The following BTN3A1 variants were observed in gnomAD, a reference collection of about 807,000 sequenced individuals.
The protein encoded by BTN3A1 is butyrophilin subfamily 3 member A1.
Under a neutral mutation model 43.0 loss-of-function variants are expected in BTN3A1, and 24 were observed. The ratio of observed to expected loss-of-function variants is 0.56; its 90% confidence interval spans 0.40 to 0.78. BTN3A1 has a LOEUF of 0.78. BTN3A1 is among the 30% of genes least tolerant of loss of function. BTN3A1 has a pLI of 0.00. For synonymous variants in BTN3A1, 181 were observed against 234.7 expected, an observed-to-expected ratio of 0.77 and a Z score of 2.09; for missense variants, 533 against 626.2, an observed-to-expected ratio of 0.85 and a Z score of 1.59.
chr6:26,412,221 A>C (rs1762244367), intron 9 of BTN3A1: 3 of 552,762 alleles, frequency 5.4e-6, no homozygotes, highest in Non-Finnish European at 9.9e-6. Context: ...AGCTGTCTCC[A>C]CTCCTACACT....
In BTN3A1 at chr6:26,407,930, G is replaced by A; in HGVS notation, c.693G>A (p.Lys231=). The A allele has an allele frequency of 6.2e-7, 1 of 1,614,164 alleles. No individual in the cohort carries two copies. The highest frequency in any genetic ancestry group is 2.2e-5 in the East Asian group (1 of 44,884). ...GAAGTTCCCTCCTCGGCCTGGAAAA[G>A]ACAGCCAGCATTTCCATCGCAGGTC... The part of the protein sequence containing the change: ...TIRSSLLGLE[K]TASISIADPF... The change falls in exon 4 of 10, where the codon AAG becomes AAA. Residue 231 remains lysine (K), a synonymous_variant. Coordinates refer to ENST00000289361, the MANE Select transcript of BTN3A1 (RefSeq NM_007048.6).
At chr6:26,406,842 A>G (rs1344882548) in intron 3 of BTN3A1, among the ~76,000 whole-genome samples, 2 of 152,230 alleles carry the variant, frequency 1.3e-5, no homozygotes, top group African/African-American at 2.4e-5. Context: ...AGGAGGGTTT[A>G]TAGACTTTGG....
At chr6:26,405,184 G>A (rs1761970297) in intron 1 of BTN3A1, among the ~76,000 whole-genome samples, 188 bp from the exon 2 acceptor site, 1 of 152,220 alleles carries the variant, frequency 6.6e-6, no homozygotes, top group South Asian at 2.1e-4. Context: ...ACCCACAGCG[G>A]TCGACCCCGG....
intron 7 of BTN3A1, among the ~76,000 whole-genome samples, chr6:26,410,366 C>A (rs1457718656): frequency 1.3e-5 from 2 of 152,070 alleles, no homozygotes; most frequent in Non-Finnish European, 2.9e-5. Context: ...CCCTGCAAAG[C>A]ACTGAGGAAT....
rs191073512 is a variant in BTN3A1, at chr6:26,413,553, C to T, written c.1403C>T (p.Thr468Ile). The change falls in exon 10 of 10, where the codon ACT becomes ATT. Residue 468 changes from threonine to isoleucine, a missense_variant. Coordinates refer to ENST00000289361, the MANE Select transcript of BTN3A1 (RefSeq NM_007048.6). ...KKVGVFLDYE[T>I]GDISFYNAVD... ...GTGGGGGTCTTCCTGGACTATGAGACTGGAGATATCTCATTCTACAATGCT... is the reference window on the plus strand; with the variant it reads ...GTGGGGGTCTTCCTGGACTATGAGATTGGAGATATCTCATTCTACAATGCT... 1.2e-5 allele frequency: 20 copies of T among 1,614,162 alleles called. No individual in the cohort carries two copies. Among genetic ancestry groups the T allele is most frequent in the Non-Finnish European group, 1.7e-5 (20 of 1,180,020 alleles).
intron 3 of BTN3A1, among the ~76,000 whole-genome samples, chr6:26,406,968 T>G (rs144825718): frequency 6.6e-6 from 1 of 152,182 alleles, no homozygotes; most frequent in Non-Finnish European, 1.5e-5. Flanking sequence ...AAAGCTGTAA[T>G]TGATGAAGGG....
chr6:26,408,755 C>T (rs1266677498), intron 4 of BTN3A1, among the ~76,000 whole-genome samples: 1 of 152,136 alleles, frequency 6.6e-6, no homozygotes, highest in East Asian at 1.9e-4. Flanking sequence ...AACTTTCATG[C>T]AATGGATACC....
intron 7 of BTN3A1, among the ~76,000 whole-genome samples, chr6:26,410,428 C>A (rs1762170388): frequency 6.6e-6 from 1 of 151,984 alleles, no homozygotes; most frequent in Non-Finnish European, 1.5e-5. Context: ...GAAGTGCATT[C>A]TCTATGGCAG....
At chr6:26,409,982 C>A in intron 6 of BTN3A1, 24 bp from the exon 7 acceptor site, 1 of 1,614,186 alleles carries the variant, frequency 6.2e-7, no homozygotes, top group Non-Finnish European at 8.5e-7. Context: ...CTTGATGCAT[C>A]TTCCCCTGTT....
intron 4 of BTN3A1, among the ~76,000 whole-genome samples, chr6:26,408,385 G>A (rs185906471): frequency 8.5e-5 from 13 of 152,198 alleles, no homozygotes; most frequent in East Asian, 1.9e-4. Flanking sequence ...AAGAGTGTTC[G>A]TTCTCATTCA....
intron 9 of BTN3A1, chr6:26,412,803 G>A: frequency 2.6e-6 from 4 of 1,550,574 alleles, no homozygotes; most frequent in Non-Finnish European, 3.5e-6. Flanking sequence ...CTCATGAGTG[G>A]TCGAATGAAG....
chr6:26,413,048 G>T, intron 9 of BTN3A1, 121 bp from the exon 10 acceptor site: 2 of 1,515,368 alleles, frequency 1.3e-6, no homozygotes, highest in Non-Finnish European at 8.8e-7. Context: ...ATTTAGGGCA[G>T]ACTAGGGACA....
At chr6:26,412,684 T>G in intron 9 of BTN3A1, 1 of 1,551,458 alleles carries the variant, frequency 6.4e-7, no homozygotes, top group Non-Finnish European at 8.7e-7. Context: ...AGAGATTCAT[T>G]TGTTTATCCC....
In BTN3A1 at chr6:26,412,677, G is replaced by A. The variant is rs563539727; in HGVS notation, c.1019-492G>A. The A allele has an allele frequency of 3.2e-6, 5 of 1,551,410 alleles. No homozygotes were observed. In the African/African-American group the frequency reaches 5.5e-5, roughly 17 times the overall value. ...CATGATTGCCTTCTACAGCGCTAGA[G>A]ATTCATTTGTTTATCCCCATTTTTC... On this transcript the variant is annotated intron_variant, in intron 9 of 9. Coordinates refer to ENST00000289361, the MANE Select transcript of BTN3A1 (RefSeq NM_007048.6).
Position 26,413,452 on chromosome 6 carries a change from G to A in BTN3A1, c.1302G>A (p.Gly434=). 1 of 1,614,148 alleles carries A rather than the reference G, an allele frequency of 6.2e-7. No individual in the cohort carries two copies. The highest frequency in any genetic ancestry group is 8.5e-7 in the Non-Finnish European group (1 of 1,180,026). Residue 434 remains glycine, a synonymous_variant, in exon 10 of 10, where the codon GGG becomes GGA. Transcript: ENST00000289361. ...CTGAGAATGGATTCTGGACTATGGG[G>A]CTGACTGATGGGAATAAGTATCGGA... ...MTPENGFWTM[G]LTDGNKYRTL...
chr6:26,412,019 T>C (rs907480532), intron 9 of BTN3A1: 4 of 213,272 alleles, frequency 1.9e-5, no homozygotes, highest in Non-Finnish European at 3.7e-5. Context: ...CCTCCACATA[T>C]TTAGGTGATG....
intron 7 of BTN3A1, 146 bp from the exon 8 acceptor site, chr6:26,410,963 A>G: frequency 3.1e-6 from 2 of 641,788 alleles, no homozygotes; most frequent in South Asian, 5.2e-5. Context: ...AACACAATAG[A>G]AAGAATTGAA....
In BTN3A1 at chr6:26,413,340, G is replaced by A. The variant is rs1211595178; in HGVS notation, c.1190G>A (p.Trp397Ter). The change falls in exon 10 of 10, where the codon TGG (tryptophan) becomes TAG (stop). Residue 397 changes from tryptophan (W) to a stop codon, truncating the protein, a stop_gained. Coordinates refer to ENST00000289361, the MANE Select transcript of BTN3A1 (RefSeq NM_007048.6). LOFTEE classifies it low-confidence loss of function (END_TRUNC). ...AGCTTCATATCAGGGAGACATTACT[G>A]GGAGGTGGAGGTAGGGGACAGGAAA... Reference protein sequence around the residue: ...CESFISGRHYWEVEVGDRKEW... With the variant: ...CESFISGRHY 1.9e-6 allele frequency: 3 copies of A among 1,614,162 alleles called. No individual in the cohort carries two copies. Among genetic ancestry groups the A allele is most frequent in the Non-Finnish European group, 8.5e-7 (1 of 1,180,038 alleles).
chr6:26,412,983 A>C (rs1243517367), intron 9 of BTN3A1, 186 bp from the exon 10 acceptor site: 1 of 1,459,390 alleles, frequency 6.9e-7, no homozygotes, highest in African/African-American at 1.4e-5. Context: ...TCCCCTCTGG[A>C]CACAAGATAC....
Sources: gnomAD v4.1 joint callset for allele counts (sites outside exome capture counted in the v4.1 genomes callset) on GRCh38, gnomAD v4.1.1 for gene constraint, MANE v1.5 for transcripts, NCBI Gene and HGNC (gene_info 2026-07-23, HGNC 2026-07-21) for gene names.